Variants in KLHDC4 observed in about 807,000 individuals in gnomAD.
The protein encoded by KLHDC4 is kelch domain containing 4.
Under a neutral mutation model 62.4 loss-of-function variants are expected in KLHDC4, and 90 were observed. The ratio of observed to expected loss-of-function variants is 1.44; its 90% CI spans 1.22 to 1.72. The LOEUF is 1.72. Among genes scored for constraint, KLHDC4 ranks in the 40% most tolerant of loss-of-function variants. The pLI is 0.00. For missense variants in KLHDC4, 1,025 were observed against 699.7 expected (o/e 1.47, Z -5.25); for synonymous variants, 386 against 284.4 (o/e 1.36, Z -3.59).
At chr16:87,719,316 T>C (rs1047858619) in intron 7 of KLHDC4, among the ~76,000 whole-genome samples, 3 of 152,264 alleles carry the variant, frequency 2.0e-5, no homozygotes, top group Non-Finnish European at 4.4e-5. Flanking sequence ...CATTTTGTTC[T>C]GTACTAAGAA....
intron 5 of KLHDC4, among the ~76,000 whole-genome samples, chr16:87,746,823 T>C (rs955635256): frequency 1.2e-4 from 19 of 152,310 alleles, no homozygotes; most frequent in African/African-American, 3.8e-4. Flanking sequence ...GTCTAATAGC[T>C]TCTACAATAT....
chr16:87,719,864 G>A (rs1283610388), intron 7 of KLHDC4, among the ~76,000 whole-genome samples: 1 of 152,222 alleles, frequency 6.6e-6, no homozygotes, highest in African/African-American at 2.4e-5. Context: ...ATCCGGCTGA[G>A]ACCCCAGAGC....
At chr16:87,715,518 C>T (rs942740260) in intron 7 of KLHDC4, among the ~76,000 whole-genome samples, 1 of 152,144 alleles carries the variant, frequency 6.6e-6, no homozygotes, top group East Asian at 1.9e-4. Flanking sequence ...TTCGTCCTGT[C>T]GCCTCCTCAG....
At chr16:87,760,653 C>T (rs1417891878) in intron 2 of KLHDC4, among the ~76,000 whole-genome samples, 1 of 148,926 alleles carries the variant, frequency 6.7e-6, no homozygotes, top group Non-Finnish European at 1.5e-5. Flanking sequence ...TAAAACTAAT[C>T]CCCATTCAAA....
rs1393774712 is a variant in KLHDC4 at position 87,730,583 on chromosome 16, T to C, written c.568A>G (p.Ile190Val). The change falls in exon 6 of 12, where the codon ATC becomes GTC. Residue 190 changes from isoleucine (I) to valine (V), a missense_variant. Ile to Val is a conservative substitution (Grantham distance 29, BLOSUM62 3). Coordinates refer to ENST00000270583, the MANE Select transcript of KLHDC4 (RefSeq NM_017566.4). ...HRMVAWKRQL[I>V]LFGGFHESTR... is the part of the protein sequence containing the mutation. ...CTTTCATGGAAGCCACCAAACAGGA[T>C]CAATTGTCTCTTCCAGGCCACCATC... 1.9e-6 allele frequency: 3 copies of C among 1,612,890 alleles called. No individual in the cohort carries two copies. The East Asian group carries it at 6.7e-5, about 36-fold the overall frequency.
chr16:87,741,194 T>G (rs1007970449), intron 5 of KLHDC4, among the ~76,000 whole-genome samples: 2 of 152,162 alleles, frequency 1.3e-5, no homozygotes, highest in Non-Finnish European at 2.9e-5. Flanking sequence ...TTAAAAAGTA[T>G]CCACTAGTCA....
At chr16:87,733,528 A>G (rs896464391) in intron 5 of KLHDC4, among the ~76,000 whole-genome samples, 3 of 152,160 alleles carry the variant, frequency 2.0e-5, no homozygotes, top group African/African-American at 7.2e-5. Context: ...CAGGGCCTTA[A>G]GGAGGGTTGC....
chr16:87,720,365 G>T (rs1324890320), intron 7 of KLHDC4, among the ~76,000 whole-genome samples: 18 of 152,160 alleles, frequency 1.2e-4, no homozygotes, highest in Admixed American at 6.5e-5. Context: ...AACCATGGGG[G>T]CCGCTCCTTC....
Position 87,740,983 on chromosome 16 carries a change from CA to C in KLHDC4, c.506+7689del, listed in dbSNP as rs1337616478. The stretch of plus-strand genomic sequence containing the variant: ...AATAGCTGCTAGCGCTGGCCACACG[CA>C]GCCCTCCAACGAGGCACGGATGCTC... On this transcript the variant is annotated intron_variant, in intron 5 of 11. Transcript: ENST00000270583. 3 of 152,152 alleles carry C rather than the reference CA, an allele frequency of 2.0e-5. No homozygotes were observed. In the South Asian group the frequency reaches 6.2e-4, roughly 32 times the overall value. The allele number at this position is 152,152 out of a possible 1,614,324, so 9.4% of individuals were successfully genotyped here.
At chr16:87,723,426 G>A (rs1463802112) in intron 7 of KLHDC4, among the ~76,000 whole-genome samples, 4 of 152,276 alleles carry the variant, frequency 2.6e-5, no homozygotes, top group African/African-American at 9.6e-5. Context: ...TCTGATGAAA[G>A]CGATACAGCT....
chr16:87,754,783 A>C (rs984830235), intron 4 of KLHDC4, among the ~76,000 whole-genome samples: 1 of 152,094 alleles, frequency 6.6e-6, no homozygotes, highest in Non-Finnish European at 1.5e-5. Context: ...AGTCAGTGCC[A>C]CTTCTCTGTG....
At position 87,727,858 on chromosome 16, in the gene KLHDC4, G is replaced by A. The variant is rs531862330; in HGVS notation, c.600-934C>T. Among the ~76,000 whole-genome samples, 4 of 152,048 alleles carry A rather than the reference G, an allele frequency of 2.6e-5. No individual in the cohort carries two copies. The South Asian group carries it at 6.2e-4, about 24-fold the overall frequency. On this transcript the variant is annotated intron_variant, in intron 6 of 11. Coordinates refer to ENST00000270583, the MANE Select transcript of KLHDC4 (RefSeq NM_017566.4). ...TTGTGTGAAGCAGGAAAAGTCACAG[G>A]GCGTTTACCCAGCACCAGCTGCCAC... is the stretch of plus-strand genomic sequence containing the variant.
At chr16:87,715,259 T>A (rs62055567) in intron 7 of KLHDC4, among the ~76,000 whole-genome samples, 1 of 152,110 alleles carries the variant, frequency 6.6e-6, no homozygotes, top group East Asian at 1.9e-4. Flanking sequence ...GCACTTTAAT[T>A]CTCTATTTTT....
At chr16:87,720,407 C>A (rs971646313) in intron 7 of KLHDC4, among the ~76,000 whole-genome samples, 3 of 152,142 alleles carry the variant, frequency 2.0e-5, no homozygotes, top group Non-Finnish European at 4.4e-5. Context: ...TCCAGGCGCC[C>A]GAAGACGACT....
intron 7 of KLHDC4, among the ~76,000 whole-genome samples, chr16:87,718,328 TCCCTCCCCCTCTCCTCC>T (rs1567685130): frequency 5.2e-4 from 5 of 9,572 alleles, no homozygotes; most frequent in Non-Finnish European, 7.4e-4. Context: ...CCCCTCCCTC[TCCCTCCCCCTCTCCTCC>T]CCCTCCCCCT....
At position 87,761,963 on chromosome 16, in the gene KLHDC4, G is replaced by C; in HGVS notation, c.177C>G (p.Pro59=). ...TACTTGCTCACCTTGGTGAGGGTGG[G>C]GGGCACGGAAGTTCCACAGTCTGAG... ...KRTQTVELPC[P]PPSPRLNASL... The change falls in exon 2 of 12, where the codon CCC becomes CCG. Residue 59 remains proline, a synonymous_variant. Coordinates refer to ENST00000270583, the MANE Select transcript of KLHDC4 (RefSeq NM_017566.4). 6.2e-7 allele frequency: 1 copy of C among 1,613,816 alleles called. No homozygotes were observed. The highest frequency in any genetic ancestry group is 8.5e-7 in the Non-Finnish European group (1 of 1,179,898).
At chr16:87,756,721 CAAAAAAA>C (rs35385743) in intron 2 of KLHDC4, among the ~76,000 whole-genome samples, 3,457 of 98,826 alleles carry the variant, frequency 0.035, 146 homozygotes, top group African/African-American at 0.12. Flanking sequence ...GTTGTATTAA[CAAAAAAA>C]AAAAAAAAAA....
rs556184441 is a variant in KLHDC4, at chr16:87,749,859, C to T, written c.370-1050G>A. ...CCAAAGCACACTGGGATTACACACA[C>T]GAACCACCACACCCAGCCTTACGTG... On this transcript the variant is annotated intron_variant, in intron 4 of 11. Transcript: ENST00000270583. Among the ~76,000 whole-genome samples the T allele has an allele frequency of 3.9e-5, 6 of 152,280 alleles. No individual in the cohort carries two copies. In the East Asian group the frequency reaches 9.6e-4, roughly 24 times the overall value.
intron 4 of KLHDC4, among the ~76,000 whole-genome samples, chr16:87,754,016 T>C (rs570137099): frequency 5.1e-4 from 76 of 149,568 alleles, no homozygotes; most frequent in African/African-American, 1.7e-3. Flanking sequence ...GGCATGTGCC[T>C]GTAATCCCAG....
Sources: gnomAD v4.1 joint callset for allele counts (sites outside exome capture counted in the v4.1 genomes callset) on GRCh38, gnomAD v4.1.1 for gene constraint, MANE v1.5 for transcripts, NCBI Gene and HGNC (gene_info 2026-07-23, HGNC 2026-07-21) for gene names.